NSMCE2: variants seen among roughly 807,000 people sequenced by gnomAD.
The protein encoded by NSMCE2 is NSE2 SUMO ligase component of SMC5/6 complex, also known as E3 SUMO-protein ligase NSE2.
In NSMCE2, 24 loss-of-function variants were observed where a neutral mutation model predicts 23.8. The observed-to-expected ratio is 1.01, with a 90% CI of 0.73 to 1.42. NSMCE2 has a LOEUF of 1.42. Ranked by LOEUF, NSMCE2 falls within the 40% of genes most tolerant of loss-of-function variation. The pLI, the probability that NSMCE2 is intolerant of heterozygous loss-of-function variation, is 0.00. For missense variants in NSMCE2, 284 were observed against 296.5 expected (o/e 0.96, Z 0.31); for synonymous variants, 92 against 94.1 (o/e 0.98, Z 0.13).
At chr8:125,323,425 G>GGTAGT (rs1829531002) in intron 5 of NSMCE2, among the ~76,000 whole-genome samples, 1 of 152,178 alleles carries the variant, frequency 6.6e-6, no homozygotes, top group African/African-American at 2.4e-5. Flanking sequence ...TAGTAACAAG[G>GGTAGT]GTAGTGTAGT....
chr8:125,180,178 G>A (rs969074474), intron 4 of NSMCE2, among the ~76,000 whole-genome samples: 1 of 152,106 alleles, frequency 6.6e-6, no homozygotes, highest in South Asian at 2.1e-4. Context: ...GTGTATAATA[G>A]CTCTTATTCT....
At chr8:125,293,836 A>G (rs941988301) in intron 5 of NSMCE2, among the ~76,000 whole-genome samples, 1 of 152,196 alleles carries the variant, frequency 6.6e-6, no homozygotes, top group Non-Finnish European at 1.5e-5. Flanking sequence ...CAACTCACCT[A>G]CTTAAAGTGT....
intron 3 of NSMCE2, among the ~76,000 whole-genome samples, chr8:125,123,669 C>T (rs1055408680): frequency 3.3e-5 from 5 of 152,030 alleles, no homozygotes; most frequent in African/African-American, 4.8e-5. Flanking sequence ...TCCTATTTGC[C>T]GTTATATGTA....
intron 3 of NSMCE2, among the ~76,000 whole-genome samples, chr8:125,108,574 G>T (rs1818582537): frequency 6.6e-6 from 1 of 152,194 alleles, no homozygotes; most frequent in South Asian, 2.1e-4. Context: ...TCATAAGATT[G>T]TTGGGACTAA....
At chr8:125,224,840 A>C (rs1311097231) in intron 5 of NSMCE2, among the ~76,000 whole-genome samples, 3 of 152,234 alleles carry the variant, frequency 2.0e-5, no homozygotes, top group Non-Finnish European at 4.4e-5. Context: ...ATTCAAACTC[A>C]GGAAATCAAG....
intron 3 of NSMCE2, among the ~76,000 whole-genome samples, chr8:125,140,860 A>G (rs187878043): frequency 2.0e-5 from 3 of 152,248 alleles, no homozygotes; most frequent in African/African-American, 7.2e-5. Flanking sequence ...TTGCCTGGGA[A>G]ATGCTCTTGT....
chr8:125,251,659 A>T (rs1395329821), intron 5 of NSMCE2, among the ~76,000 whole-genome samples: 1 of 152,194 alleles, frequency 6.6e-6, no homozygotes, highest in African/African-American at 2.4e-5. Flanking sequence ...CACTTATTGG[A>T]TGCCCGTTAT....
intron 5 of NSMCE2, among the ~76,000 whole-genome samples, chr8:125,246,966 C>G (rs1442763791): frequency 2.0e-5 from 3 of 151,574 alleles, no homozygotes; most frequent in African/African-American, 7.3e-5. Context: ...CTCCAGTATA[C>G]TATATAATAT....
At chr8:125,107,993 G>A (rs984725512) in intron 3 of NSMCE2, among the ~76,000 whole-genome samples, 2 of 151,842 alleles carry the variant, frequency 1.3e-5, no homozygotes, top group Admixed American at 6.6e-5. Flanking sequence ...GAGATCACAC[G>A]ACTGTACTCC....
chr8:125,097,314 AT>A (rs1432802156), intron 1 of NSMCE2, among the ~76,000 whole-genome samples: 2 of 152,268 alleles, frequency 1.3e-5, no homozygotes, highest in Admixed American at 6.5e-5. Flanking sequence ...TAGAGCTCAA[AT>A]TTCCATGATG....
At chr8:125,358,081 C>G (rs1385141808) in intron 7 of NSMCE2, among the ~76,000 whole-genome samples, 2 of 152,180 alleles carry the variant, frequency 1.3e-5, no homozygotes, top group Non-Finnish European at 2.9e-5. Flanking sequence ...GCCTGTAATC[C>G]TAGCACTTTG....
intron 5 of NSMCE2, among the ~76,000 whole-genome samples, chr8:125,248,179 G>T (rs948788793): frequency 6.6e-6 from 1 of 152,116 alleles, no homozygotes; most frequent in Non-Finnish European, 1.5e-5. Flanking sequence ...GAAACAGTCC[G>T]GGGTGTTTAT....
chr8:125,179,278 C>T (rs539430621), intron 4 of NSMCE2, among the ~76,000 whole-genome samples: 3 of 152,236 alleles, frequency 2.0e-5, no homozygotes, highest in Admixed American at 1.3e-4. Context: ...TTAAAGGCTA[C>T]AGTAAACTGT....
intron 5 of NSMCE2, among the ~76,000 whole-genome samples, chr8:125,187,041 A>G (rs973282480): frequency 1.3e-5 from 2 of 152,204 alleles, no homozygotes; most frequent in African/African-American, 2.4e-5. Context: ...TCTCAGGGTC[A>G]TTACCAAGAT....
At chr8:125,122,705 G>T (rs748921051) in intron 3 of NSMCE2, among the ~76,000 whole-genome samples, 38 of 151,946 alleles carry the variant, frequency 2.5e-4, no homozygotes, top group Middle Eastern at 3.4e-3. Flanking sequence ...TTGTACATTC[G>T]TCCATCTAAA....
At chr8:125,302,243 C>A (rs1384760634) in intron 5 of NSMCE2, among the ~76,000 whole-genome samples, 1 of 152,262 alleles carries the variant, frequency 6.6e-6, no homozygotes, top group Non-Finnish European at 1.5e-5. Context: ...AGGCATGAGC[C>A]ACCACGCCAG....
chr8:125,153,881 A>T (rs1348443173), intron 4 of NSMCE2, among the ~76,000 whole-genome samples: 1 of 152,220 alleles, frequency 6.6e-6, no homozygotes, highest in Admixed American at 6.5e-5. Context: ...TCTAAAAAGC[A>T]AGTATTTTGT....
At chr8:125,285,638 A>AT (rs1332393063) in intron 5 of NSMCE2, among the ~76,000 whole-genome samples, 1 of 152,124 alleles carries the variant, frequency 6.6e-6, no homozygotes, top group Non-Finnish European at 1.5e-5. Flanking sequence ...AAGTATCAAT[A>AT]AATAACAGCA....
At chr8:125,190,298 C>T (rs531604125) in intron 5 of NSMCE2, among the ~76,000 whole-genome samples, 2 of 152,266 alleles carry the variant, frequency 1.3e-5, no homozygotes, top group South Asian at 4.1e-4. Context: ...TTTTGACTTA[C>T]ATCATTGCAG....
Sources: allele counts gnomAD v4.1 joint callset (sites outside exome capture counted in the v4.1 genomes callset), GRCh38; gene constraint gnomAD v4.1.1; transcripts MANE v1.5; gene names NCBI Gene and HGNC (gene_info 2026-07-23, HGNC 2026-07-21).